The following IL18R1 variants were observed in gnomAD, a reference collection of about 807,000 sequenced individuals.
The protein encoded by IL18R1 is interleukin 18 receptor 1.
In IL18R1, 40 loss-of-function variants were observed where a neutral mutation model predicts 48.5. That is an observed-to-expected ratio of 0.82 (90% confidence interval 0.64 to 1.07). The LOEUF (loss-of-function observed/expected upper bound fraction) is 1.07, where lower values mean the gene tolerates loss of function less well. IL18R1 is among the 50% of genes least tolerant of loss of function. The probability of loss-of-function intolerance (pLI) is 0.00; values close to 1 mark genes in which losing one functional copy is unlikely to be tolerated. For synonymous variants in IL18R1, 232 were observed against 225.9 expected (o/e 1.03, Z -0.24); for missense variants, 596 against 633.7 (o/e 0.94, Z 0.64).
intron 4 of IL18R1, among the ~76,000 whole-genome samples, chr2:102,374,531 C>A (rs562853863): frequency 1.6e-4 from 24 of 152,248 alleles, no homozygotes; most frequent in African/African-American, 4.6e-4. Flanking sequence ...GTAATCCCAG[C>A]ACTTTGTGAG....
At chr2:102,380,570 C>T (rs1679861260) in intron 5 of IL18R1, among the ~76,000 whole-genome samples, 1 of 152,312 alleles carries the variant, frequency 6.6e-6, no homozygotes, top group Admixed American at 6.5e-5. Flanking sequence ...CCCAGGATAA[C>T]CCAGACCTGA....
At chr2:102,361,038 A>G (rs1332911255) in intron 1 of IL18R1, among the ~76,000 whole-genome samples, 1 of 152,224 alleles carries the variant, frequency 6.6e-6, no homozygotes, top group African/African-American at 2.4e-5. Flanking sequence ...AATATGTTTC[A>G]TATTGAAACT....
intron 2 of IL18R1, among the ~76,000 whole-genome samples, chr2:102,365,763 C>T (rs4134504): frequency 0.12 from 17,507 of 152,202 alleles, 1,084 homozygotes; most frequent in Middle Eastern, 0.31. Flanking sequence ...CGTAGGTTCC[C>T]AAACCTCAAT....
intron 3 of IL18R1, among the ~76,000 whole-genome samples, chr2:102,368,899 C>T (rs1679072047): frequency 6.6e-6 from 1 of 152,216 alleles, no homozygotes; most frequent in South Asian, 2.1e-4. Flanking sequence ...GAGTCCTGAT[C>T]ATTATCAACC....
Position 102,368,009 on chromosome 2 carries a change from T to A in IL18R1, c.243T>A (p.Cys81Ter). Reference protein sequence around the residue: ...RSSSRIALHDCVLEFWPVELN... With the variant: ...RSSSRIALHD ...CCTCGAGAATTGCTTTGCATGATTG[T>A]GTTTTGGAGTTTTGGCCAGTTGAGT... The change falls in exon 3 of 11, where the codon TGT becomes TGA. Residue 81 changes from cysteine to a stop codon, truncating the protein, a stop_gained. Transcript: ENST00000233957. LOFTEE classifies it high-confidence loss of function. 1.2e-6 allele frequency: 2 copies of A among 1,614,212 alleles called. No homozygotes were observed. The highest frequency in any genetic ancestry group is 1.7e-6 in the Non-Finnish European group (2 of 1,180,036).
chr2:102,373,742 G>A (rs752377921), intron 4 of IL18R1, among the ~76,000 whole-genome samples: 2 of 152,080 alleles, frequency 1.3e-5, no homozygotes, highest in Non-Finnish European at 2.9e-5. Context: ...CACAAATTGT[G>A]TAGTTCAGGG....
intron 9 of IL18R1, among the ~76,000 whole-genome samples, chr2:102,392,200 A>G (rs1327211512): frequency 1.3e-5 from 2 of 152,232 alleles, no homozygotes; most frequent in South Asian, 2.1e-4. Context: ...TAAATTGAAC[A>G]ACATAAAATT....
intron 4 of IL18R1, among the ~76,000 whole-genome samples, chr2:102,374,856 A>G (rs1463251093): frequency 6.6e-6 from 1 of 152,186 alleles, no homozygotes; most frequent in Non-Finnish European, 1.5e-5. Context: ...TAGCTAAACA[A>G]TTGACCACAG....
chr2:102,361,538 C>T (rs917111956), intron 1 of IL18R1, among the ~76,000 whole-genome samples: 4 of 152,182 alleles, frequency 2.6e-5, no homozygotes, highest in African/African-American at 9.7e-5. Flanking sequence ...CTCAGGAAGT[C>T]TCCATAAGCC....
chr2:102,380,677 T>C (rs1483432284), intron 5 of IL18R1, among the ~76,000 whole-genome samples: 1 of 152,098 alleles, frequency 6.6e-6, no homozygotes, highest in Non-Finnish European at 1.5e-5. Flanking sequence ...GGCACTGCAC[T>C]TTCTGAGAGG....
chr2:102,357,122 T>C (rs540219001), intron 1 of IL18R1, among the ~76,000 whole-genome samples: 21 of 152,162 alleles, frequency 1.4e-4, no homozygotes, highest in African/African-American at 4.8e-4. Context: ...ATTTGGGGAA[T>C]TGGGTTTGTG....
intron 2 of IL18R1, among the ~76,000 whole-genome samples, chr2:102,365,886 G>A (rs928969919): frequency 6.6e-6 from 1 of 152,168 alleles, no homozygotes; most frequent in African/African-American, 2.4e-5. Flanking sequence ...TTTTAGCAAT[G>A]GCTGGAGGGG....
rs901121274 is a variant in IL18R1 at position 102,398,598 on chromosome 2, C to A, written c.*1712C>A. 6.6e-6 allele frequency: 1 copy of A among 152,200 alleles called. No individual in the cohort carries two copies. The highest frequency in any genetic ancestry group is 1.9e-4 in the East Asian group (1 of 5,238). The allele number at this position is 152,200 out of a possible 1,614,324, so 9.4% of individuals were successfully genotyped here. A position where few individuals can be genotyped will look rare whatever the true frequency, so the allele number is the denominator to read the frequency against. Reference sequence around the variant, plus strand: ...TATATAATCAAAATAGATTTCATTGCTATTGCATAGTCTCTAATACATAGA... The same window carrying A: ...TATATAATCAAAATAGATTTCATTGATATTGCATAGTCTCTAATACATAGA... On this transcript the variant is annotated 3_prime_UTR_variant, in exon 11 of 11. Transcript: ENST00000233957.
At position 102,396,419 on chromosome 2, in the gene IL18R1, C is replaced by A. The variant is rs937983804; in HGVS notation, c.1271-112C>A. On this transcript the variant is annotated intron_variant, in intron 10 of 10. Transcript: ENST00000233957. ...ACAAATGGTTTGTCTTAAAGAAAAA[C>A]TTATTAGTGAGGTTAGGAGTTAATA... is the stretch of plus-strand genomic sequence containing the variant. 3 of 578,612 alleles carry A rather than the reference C, an allele frequency of 5.2e-6. No individual in the cohort carries two copies. The South Asian group carries it at 8.3e-5, about 16-fold the overall frequency. 35.8% of individuals were successfully genotyped at this position (578,612 alleles called of 1,614,324 possible).
At chr2:102,376,252 T>C (rs978585907) in intron 5 of IL18R1, among the ~76,000 whole-genome samples, 189 bp downstream of exon 5, 5 of 152,204 alleles carry the variant, frequency 3.3e-5, no homozygotes, top group Non-Finnish European at 7.3e-5. Flanking sequence ...CCTTTCTTTT[T>C]GGCAGGAAAT....
At position 102,375,960 on chromosome 2, in the gene IL18R1, C is replaced by T. The variant is rs201629380; in HGVS notation, c.522C>T (p.Asn174=). The change falls in exon 5 of 11, where the codon AAC becomes AAT. Residue 174 remains asparagine, a synonymous_variant. Transcript: ENST00000233957. ...ENNKNPTIKK[N]AEFEDQGYYS... Reference sequence around the variant, plus strand: ...ATAAAAACCCAACGATAAAGAAGAACGCCGAGTTTGAAGATCAGGGGTATT... The same window carrying T: ...ATAAAAACCCAACGATAAAGAAGAATGCCGAGTTTGAAGATCAGGGGTATT... 3.1e-5 allele frequency: 50 copies of T among 1,606,004 alleles called. No homozygotes were observed. Among genetic ancestry groups the T allele is most frequent in the Middle Eastern group, 1.7e-4 (1 of 6,056 alleles).
chr2:102,384,963 T>G lies in IL18R1; in HGVS notation c.774T>G (p.Asp258Glu). 6.2e-7 allele frequency: 1 copy of G among 1,603,692 alleles called. No homozygotes were observed. The highest frequency in any genetic ancestry group is 8.5e-7 in the Non-Finnish European group (1 of 1,170,976). The change falls in exon 7 of 11, where the codon GAT becomes GAG. Residue 258 changes from aspartate (D) to glutamate (E), a missense_variant. Coordinates refer to ENST00000233957, the MANE Select transcript of IL18R1 (RefSeq NM_003855.5). Reference protein sequence around the residue: ...YWMFGEENGSDPNIHEEKEMR... With the variant: ...YWMFGEENGSEPNIHEEKEMR... Reference sequence around the variant, plus strand: ...TGTTCGGGGAAGAAAATGGATCGGATCCTAATATACATGAAGAGAAAGAAA... The same window carrying G: ...TGTTCGGGGAAGAAAATGGATCGGAGCCTAATATACATGAAGAGAAAGAAA...
At chr2:102,358,667 C>A (rs567824187) in intron 1 of IL18R1, among the ~76,000 whole-genome samples, 1 of 152,302 alleles carries the variant, frequency 6.6e-6, no homozygotes, top group African/African-American at 2.4e-5. Context: ...GTTCTGAGGA[C>A]TCAAGATGCC....
In IL18R1 at chr2:102,397,091, C is replaced by A. The variant is rs1680866307; in HGVS notation, c.*205C>A. On this transcript the variant is annotated 3_prime_UTR_variant, in exon 11 of 11. Transcript: ENST00000233957. ...CTGTGGTCACGTGCTCCCAGAAGAC[C>A]TGGAATTCAAAAGAAATGGAGCTAT... 1.0e-5 allele frequency: 5 copies of A among 487,346 alleles called. No individual in the cohort carries two copies. The South Asian group carries it at 2.0e-4, about 20-fold the overall frequency. The allele number at this position is 487,346 out of a possible 1,614,324, so 30.2% of individuals were successfully genotyped here.
Sources: gnomAD v4.1 joint callset for allele counts (sites outside exome capture counted in the v4.1 genomes callset) on GRCh38, gnomAD v4.1.1 for gene constraint, MANE v1.5 for transcripts, NCBI Gene and HGNC (gene_info 2026-07-23, HGNC 2026-07-21) for gene names.